Variants in SPAG16 observed in about 807,000 individuals in gnomAD.
SPAG16 encodes the protein sperm associated antigen 16, also known as sperm-associated antigen 16 protein.
SPAG16 carries 86 observed loss-of-function variants against 80.4 expected under a neutral mutation model. The ratio of observed to expected loss-of-function variants is 1.07; its 90% CI spans 0.90 to 1.28. The LOEUF (loss-of-function observed/expected upper bound fraction) is 1.28. Ranked by LOEUF, SPAG16 falls within the 50% of genes most tolerant of loss-of-function variation. The pLI is 0.00. For synonymous variants in SPAG16, 294 were observed against 265.9 expected (o/e 1.11, Z -1.03); for missense variants, 870 against 765.3 (o/e 1.14, Z -1.61).
intron 10 of SPAG16, among the ~76,000 whole-genome samples, chr2:213,714,777 T>C (rs1165965248): frequency 6.6e-6 from 1 of 152,198 alleles, no homozygotes; most frequent in Non-Finnish European, 1.5e-5. Flanking sequence ...CCAATTTTAT[T>C]GGGATTTAAA....
intron 13 of SPAG16, among the ~76,000 whole-genome samples, chr2:214,087,441 T>TTATTAAGTA (rs1283027917): frequency 6.6e-6 from 1 of 152,162 alleles, no homozygotes; most frequent in African/African-American, 2.4e-5. Flanking sequence ...CAGCAAATAT[T>TTATTAAGTA]TATTAAGTAT....
At chr2:213,388,264 GCAGA>G (rs2067556367) in intron 9 of SPAG16, among the ~76,000 whole-genome samples, 1 of 152,170 alleles carries the variant, frequency 6.6e-6, no homozygotes, top group Non-Finnish European at 1.5e-5. Context: ...TCATAGAGGT[GCAGA>G]CAAAGAGGGT....
chr2:213,429,135 C>T (rs1017404638), intron 9 of SPAG16, among the ~76,000 whole-genome samples: 4 of 151,104 alleles, frequency 2.6e-5, no homozygotes, highest in Non-Finnish European at 4.4e-5. Flanking sequence ...GTCCTATATT[C>T]GTTTGCCTAG....
At chr2:214,193,212 T>C (rs2057716596) in intron 15 of SPAG16, among the ~76,000 whole-genome samples, 1 of 151,976 alleles carries the variant, frequency 6.6e-6, no homozygotes, top group African/African-American at 2.4e-5. Context: ...AAAATACATC[T>C]ATGAGCAATT....
chr2:213,738,309 A>G (rs1367781051), intron 10 of SPAG16, among the ~76,000 whole-genome samples: 2 of 152,166 alleles, frequency 1.3e-5, no homozygotes, highest in Admixed American at 1.3e-4. Context: ...TTTTCCCTAA[A>G]CATACATACT....
At chr2:213,358,143 CTT>C in intron 7 of SPAG16, among the ~76,000 whole-genome samples, 1 of 152,164 alleles carries the variant, frequency 6.6e-6, no homozygotes, top group Non-Finnish European at 1.5e-5. Context: ...GTCTGATGAG[CTT>C]CCCCTTTTAT....
chr2:214,126,154 G>A (rs1168188839), intron 14 of SPAG16, among the ~76,000 whole-genome samples: 2 of 142,734 alleles, frequency 1.4e-5, no homozygotes, highest in African/African-American at 5.2e-5. Flanking sequence ...CTTCAAAATA[G>A]AAGAGATGGA....
chr2:213,535,217 C>T (rs1257299067), intron 10 of SPAG16, among the ~76,000 whole-genome samples: 1 of 152,082 alleles, frequency 6.6e-6, no homozygotes, highest in East Asian at 1.9e-4. Flanking sequence ...TACCAAGAAG[C>T]AGAAAAACAT....
chr2:213,628,228 T>C (rs777477505), intron 10 of SPAG16, among the ~76,000 whole-genome samples: 1 of 152,254 alleles, frequency 6.6e-6, no homozygotes, highest in Non-Finnish European at 1.5e-5. Context: ...CCTTTTCTTA[T>C]GAGGTCAGGA....
chr2:214,322,213 A>T (rs561014110), intron 15 of SPAG16, among the ~76,000 whole-genome samples: 1 of 152,326 alleles, frequency 6.6e-6, no homozygotes, highest in Non-Finnish European at 1.5e-5. Context: ...ATCACCAAGG[A>T]CATTTTTCAA....
At chr2:213,366,237 A>T (rs530236469) in intron 8 of SPAG16, among the ~76,000 whole-genome samples, 4 of 152,158 alleles carry the variant, frequency 2.6e-5, no homozygotes, top group Non-Finnish European at 4.4e-5. Flanking sequence ...GAGAATGAAA[A>T]TGGAGCATAA....
chr2:213,946,716 G>A (rs568726646), intron 12 of SPAG16, among the ~76,000 whole-genome samples: 1 of 152,004 alleles, frequency 6.6e-6, no homozygotes, highest in Non-Finnish European at 1.5e-5. Context: ...CAGATTTTTG[G>A]TATGTGTGTG....
At chr2:214,217,104 T>G (rs536473499) in intron 15 of SPAG16, among the ~76,000 whole-genome samples, 1 of 152,314 alleles carries the variant, frequency 6.6e-6, no homozygotes, top group East Asian at 1.9e-4. Flanking sequence ...AACTCACATT[T>G]TAATAAAAGT....
chr2:213,901,016 C>T (rs10182483), intron 11 of SPAG16, among the ~76,000 whole-genome samples: 88,918 of 152,010 alleles, frequency 0.58, 27,825 homozygotes, highest in South Asian at 0.84. Context: ...TATTTTGTAT[C>T]ATTCATTTTC....
At chr2:214,225,941 G>T (rs56835961) in intron 15 of SPAG16, among the ~76,000 whole-genome samples, 6 of 152,046 alleles carry the variant, frequency 3.9e-5, no homozygotes, top group Admixed American at 2.0e-4. Context: ...TCTAGAAGTG[G>T]TATCTTTTCT....
chr2:214,087,729 A>AATGG (rs1559776539), intron 13 of SPAG16, among the ~76,000 whole-genome samples: 1 of 152,084 alleles, frequency 6.6e-6, no homozygotes, highest in African/African-American at 2.4e-5. Flanking sequence ...TAAGCTTGAA[A>AATGG]ATGGGAGTCA....
chr2:214,052,801 A>G (rs1003749428), intron 13 of SPAG16, among the ~76,000 whole-genome samples: 1 of 152,226 alleles, frequency 6.6e-6, no homozygotes, highest in Middle Eastern at 3.2e-3. Flanking sequence ...TTCCATCAAA[A>G]AAATGAATAT....
chr2:214,405,577 C>T (rs1005148918), intron 15 of SPAG16, among the ~76,000 whole-genome samples: 2 of 152,150 alleles, frequency 1.3e-5, no homozygotes, highest in Admixed American at 1.3e-4. Flanking sequence ...GAGTGGATTA[C>T]CTGAGGTCAG....
chr2:213,807,856 G>T (rs1425247754), intron 10 of SPAG16, among the ~76,000 whole-genome samples: 3 of 152,114 alleles, frequency 2.0e-5, no homozygotes, highest in Non-Finnish European at 4.4e-5. Flanking sequence ...AAGATTCTTG[G>T]TTTACACTGG....
Sources: gnomAD v4.1 joint callset for allele counts (sites outside exome capture counted in the v4.1 genomes callset) on GRCh38, gnomAD v4.1.1 for gene constraint, MANE v1.5 for transcripts, NCBI Gene and HGNC (gene_info 2026-07-23, HGNC 2026-07-21) for gene names.